The following RAB3C variants were observed in gnomAD, a reference collection of about 807,000 sequenced individuals.
The protein encoded by RAB3C is ras-related protein Rab-3C.
In RAB3C, 17 loss-of-function variants were observed where a neutral mutation model predicts 26.4. That is an observed-to-expected ratio of 0.64 (90% CI 0.44 to 0.97). The LOEUF (loss-of-function observed/expected upper bound fraction) is 0.97. Among genes scored for constraint, RAB3C ranks in the 50% least tolerant of loss-of-function variants. The pLI, the probability that RAB3C is intolerant of heterozygous loss-of-function variation, is 0.00. For synonymous variants in RAB3C, 91 were observed against 95.9 expected, an observed-to-expected ratio of 0.95 and a Z score of 0.30; for missense variants, 242 against 281.9, an observed-to-expected ratio of 0.86 and a Z score of 1.01.
chr5:58,673,904 G>A (rs368557165), intron 2 of RAB3C, among the ~76,000 whole-genome samples: 38 of 152,230 alleles, frequency 2.5e-4, no homozygotes, highest in East Asian at 1.4e-3. Flanking sequence ...TCCAGCACCA[G>A]CACATGCACA....
chr5:58,748,915 G>T (rs1027567528), intron 3 of RAB3C, among the ~76,000 whole-genome samples: 1 of 152,140 alleles, frequency 6.6e-6, no homozygotes, highest in African/African-American at 2.4e-5. Flanking sequence ...TGGCAGTTAA[G>T]AAGTGAATTT....
At chr5:58,607,046 G>A (rs1393074146) in intron 1 of RAB3C, among the ~76,000 whole-genome samples, 2 of 152,180 alleles carry the variant, frequency 1.3e-5, no homozygotes, top group African/African-American at 4.8e-5. Context: ...ACAGAACAAA[G>A]CTGGATGGAG....
intron 4 of RAB3C, among the ~76,000 whole-genome samples, chr5:58,849,370 A>G (rs1744067299): frequency 6.6e-6 from 1 of 152,158 alleles, no homozygotes; most frequent in Non-Finnish European, 1.5e-5. Context: ...AATCACCACA[A>G]GCATGCCAAT....
At chr5:58,689,148 C>T (rs1333897867) in intron 2 of RAB3C, 1 of 152,132 alleles carries the variant, frequency 6.6e-6, no homozygotes, top group East Asian at 1.9e-4. Context: ...AGCATGGCTA[C>T]TATGAGACGA....
chr5:58,604,998 C>T (rs1449238883), intron 1 of RAB3C, among the ~76,000 whole-genome samples: 1 of 152,170 alleles, frequency 6.6e-6, no homozygotes, highest in Non-Finnish European at 1.5e-5. Context: ...CTGCTGCTTC[C>T]TCTACCCCTA....
intron 2 of RAB3C, among the ~76,000 whole-genome samples, chr5:58,700,082 A>T (rs1561293884): frequency 6.6e-6 from 1 of 152,154 alleles, no homozygotes; most frequent in African/African-American, 2.4e-5. Flanking sequence ...AGCTGTTCCT[A>T]TTCAGTTATC....
chr5:58,677,017 G>T (rs1748243876), intron 2 of RAB3C, among the ~76,000 whole-genome samples: 1 of 152,110 alleles, frequency 6.6e-6, no homozygotes, highest in Non-Finnish European at 1.5e-5. Flanking sequence ...AAATTATGGG[G>T]TTATCAGGAG....
intron 2 of RAB3C, among the ~76,000 whole-genome samples, chr5:58,645,709 A>T (rs1455525029): frequency 6.6e-6 from 1 of 152,222 alleles, no homozygotes; most frequent in Non-Finnish European, 1.5e-5. Context: ...AGAGTGCAGG[A>T]ATGCTTTCTG....
rs1478527340 is a variant in RAB3C at position 58,693,334 on chromosome 5, G to GTATATATATA, written c.253-32667_253-32666insATATATATAT. Among the ~76,000 whole-genome samples, 447 of 83,798 alleles carry GTATATATATA rather than the reference G, an allele frequency of 5.3e-3. 20 individuals are homozygous for GTATATATATA. Among genetic ancestry groups the GTATATATATA allele is most frequent in the African/African-American group, 0.02 (430 of 21,478 alleles). 55.0% of individuals were successfully genotyped at this position (83,798 alleles called of 152,430 possible). On this transcript the variant is annotated intron_variant, in intron 2 of 4. Coordinates refer to ENST00000282878, the MANE Select transcript of RAB3C (RefSeq NM_138453.4). ...TAAAATTAAGAAATTATATATATAT[G>GTATATATATA]TGTATATATATATATATATATATAT...
chr5:58,670,120 T>C (rs1748082026), intron 2 of RAB3C, among the ~76,000 whole-genome samples: 1 of 152,178 alleles, frequency 6.6e-6, no homozygotes, highest in Non-Finnish European at 1.5e-5. Context: ...CTTTGGGGAA[T>C]CTGATAGTAG....
intron 2 of RAB3C, among the ~76,000 whole-genome samples, chr5:58,643,028 A>G (rs1459931207): frequency 6.6e-6 from 1 of 152,124 alleles, no homozygotes; most frequent in East Asian, 1.9e-4. Flanking sequence ...GCCAAATCAG[A>G]CTCTTTAATG....
intron 3 of RAB3C, among the ~76,000 whole-genome samples, chr5:58,760,287 T>A (rs2111974983): frequency 6.6e-6 from 1 of 152,234 alleles, no homozygotes; most frequent in East Asian, 1.9e-4. Flanking sequence ...GTCATGAAAG[T>A]TTTGGAATAT....
intron 2 of RAB3C, among the ~76,000 whole-genome samples, chr5:58,626,409 T>C (rs449804): frequency 0.25 from 38,088 of 151,978 alleles, 4,994 homozygotes; most frequent in Admixed American, 0.31. Flanking sequence ...AAATGTTTAA[T>C]CTGCCTGAAC....
chr5:58,639,087 C>T (rs1479662712), intron 2 of RAB3C, among the ~76,000 whole-genome samples: 1 of 152,218 alleles, frequency 6.6e-6, no homozygotes, highest in African/African-American at 2.4e-5. Flanking sequence ...AGACCAGAGC[C>T]AGGAGATAAG....
At chr5:58,589,702 T>C (rs1746088905) in intron 1 of RAB3C, among the ~76,000 whole-genome samples, 1 of 152,200 alleles carries the variant, frequency 6.6e-6, no homozygotes, top group Non-Finnish European at 1.5e-5. Context: ...AACGTGTGAA[T>C]AGGTTACATT....
At chr5:58,636,616 G>A (rs555881258) in intron 2 of RAB3C, among the ~76,000 whole-genome samples, 1 of 152,224 alleles carries the variant, frequency 6.6e-6, no homozygotes, top group East Asian at 1.9e-4. Context: ...TTTCAATTAT[G>A]TTAATATCAT....
chr5:58,636,242 G>C (rs1177275569), intron 2 of RAB3C, among the ~76,000 whole-genome samples: 1 of 152,186 alleles, frequency 6.6e-6, no homozygotes, highest in Non-Finnish European at 1.5e-5. Context: ...CAATTTCCTA[G>C]AAACTGGTTT....
At chr5:58,693,332 A>ATATATGTATG (rs1554048041) in intron 2 of RAB3C, among the ~76,000 whole-genome samples, 1 of 107,078 alleles carries the variant, frequency 9.3e-6, no homozygotes, top group African/African-American at 4.1e-5. Context: ...TTATATATAT[A>ATATATGTATG]TGTGTATATA....
At chr5:58,634,909 G>T (rs1019190318) in intron 2 of RAB3C, among the ~76,000 whole-genome samples, 13 of 152,188 alleles carry the variant, frequency 8.5e-5, no homozygotes, top group African/African-American at 2.9e-4. Context: ...CTTATTTCAA[G>T]ATGAAGACTT....
Sources: gnomAD v4.1 joint callset for allele counts (sites outside exome capture counted in the v4.1 genomes callset) on GRCh38, gnomAD v4.1.1 for gene constraint, MANE v1.5 for transcripts, NCBI Gene and HGNC (gene_info 2026-07-23, HGNC 2026-07-21) for gene names.